The following SLC4A8 variants were observed in gnomAD, a reference collection of about 807,000 sequenced individuals.
The protein encoded by SLC4A8 is electroneutral sodium bicarbonate exchanger 1.
In SLC4A8, 40 loss-of-function variants were observed where a neutral mutation model predicts 125.0. The observed-to-expected ratio is 0.32, with a 90% CI of 0.25 to 0.42. The LOEUF is 0.42. SLC4A8 is among the 10% of genes least tolerant of loss of function. The pLI is 1.00. For synonymous variants in SLC4A8, 456 were observed against 476.0 expected (o/e 0.96, Z 0.55); for missense variants, 863 against 1,355.1 (o/e 0.64, Z 5.70).
At chr12:51,472,077 T>C (rs988743990) in intron 14 of SLC4A8, among the ~76,000 whole-genome samples, 31 of 152,254 alleles carry the variant, frequency 2.0e-4, no homozygotes, top group African/African-American at 6.8e-4. Context: ...AGATTTCAAC[T>C]TAAGAGATTA....
chr12:51,438,069 A>G (rs1949475936), intron 1 of SLC4A8, among the ~76,000 whole-genome samples: 1 of 152,252 alleles, frequency 6.6e-6, no homozygotes, highest in Non-Finnish European at 1.5e-5. Flanking sequence ...ATGTTTCAAT[A>G]CATGTAATGT....
Position 51,514,014 on chromosome 12 carries a change from G to A in SLC4A8, c.*6576G>A, listed in dbSNP as rs897898868. 2.0e-5 allele frequency: 3 copies of A among 152,284 alleles called. No homozygotes were observed. Among genetic ancestry groups the A allele is most frequent in the South Asian group, 2.1e-4 (1 of 4,826 alleles). 9.4% of individuals were successfully genotyped at this position (152,284 alleles called of 1,614,324 possible). A position where few individuals can be genotyped will look rare whatever the true frequency, so the allele number is the denominator to read the frequency against. ...CTTCTCTGTTTATTTCAATGTCCAT[G>A]TTCTGAGTCTCAAGTTTTCCTGAAG... On this transcript the variant is annotated 3_prime_UTR_variant, in exon 25 of 25. Coordinates refer to ENST00000453097, the MANE Select transcript of SLC4A8 (RefSeq NM_001039960.3).
chr12:51,485,991 C>T (rs941801738), intron 17 of SLC4A8, 91 bp downstream of exon 17: 1 of 737,448 alleles, frequency 1.4e-6, no homozygotes, highest in African/African-American at 1.7e-5. Context: ...TATCCTAATC[C>T]TGAGTTTTAC....
chr12:51,489,651 C>T, intron 18 of SLC4A8, 49 bp from the exon 19 acceptor site: 2 of 1,608,764 alleles, frequency 1.2e-6, no homozygotes, highest in Non-Finnish European at 1.7e-6. Context: ...GTTCTATGCC[C>T]TACTACAGCT....
intron 21 of SLC4A8, among the ~76,000 whole-genome samples, chr12:51,495,474 T>C (rs1411518404): frequency 5.2e-5 from 7 of 135,848 alleles, no homozygotes; most frequent in Non-Finnish European, 9.5e-5. Context: ...TTTCTTCTTT[T>C]TTTTTTTTTT....
chr12:51,413,847 G>A (rs1210749486), intron 1 of SLC4A8, among the ~76,000 whole-genome samples: 1 of 152,174 alleles, frequency 6.6e-6, no homozygotes, highest in Admixed American at 6.5e-5. Context: ...TTTAAAGTCA[G>A]GTAGTGTGAT....
chr12:51,416,224 T>G (rs1948685557), intron 1 of SLC4A8, among the ~76,000 whole-genome samples: 1 of 150,310 alleles, frequency 6.7e-6, no homozygotes, highest in African/African-American at 2.4e-5. Flanking sequence ...TTTTTTTTTT[T>G]TTTTTTTTGA....
intron 19 of SLC4A8, among the ~76,000 whole-genome samples, chr12:51,491,643 T>A (rs75066254): frequency 0.012 from 1,867 of 151,988 alleles, 23 homozygotes; most frequent in South Asian, 0.038. Flanking sequence ...CTGACCATGA[T>A]AAAAATCATT....
Position 51,489,354 on chromosome 12 carries a change from C to A in SLC4A8, c.2449-346C>A, listed in dbSNP as rs77118473. On this transcript the variant is annotated intron_variant, in intron 18 of 24. Transcript: ENST00000453097. The stretch of plus-strand genomic sequence containing the variant: ...GTAGGAAGCCAATAAGGACACTTAC[C>A]TCTAACTCCCATAGTTTCTACCATC... Among the ~76,000 whole-genome samples the A allele has an allele frequency of 4.7e-4, 71 of 152,240 alleles. No individual in the cohort carries two copies. The East Asian group carries it at 0.011, about 23-fold the overall frequency.
chr12:51,499,655 A>ACG (rs1937759680), intron 22 of SLC4A8, among the ~76,000 whole-genome samples: 2 of 151,384 alleles, frequency 1.3e-5, no homozygotes, highest in African/African-American at 4.9e-5. Context: ...ACACACACAC[A>ACG]CACGTATATA....
chr12:51,396,206 T>C (rs1468496966), intron 1 of SLC4A8, among the ~76,000 whole-genome samples: 2 of 152,204 alleles, frequency 1.3e-5, no homozygotes, highest in African/African-American at 2.4e-5. Flanking sequence ...ATATTAGCTG[T>C]TTTTCTTCTT....
chr12:51,501,528 T>C (rs971188705), intron 22 of SLC4A8, among the ~76,000 whole-genome samples: 3 of 152,266 alleles, frequency 2.0e-5, no homozygotes, highest in African/African-American at 7.2e-5. Context: ...GGTGTATACA[T>C]ACTACAGTTT....
intron 22 of SLC4A8, among the ~76,000 whole-genome samples, chr12:51,500,277 G>A (rs1387302442): frequency 2.0e-5 from 3 of 152,126 alleles, no homozygotes; most frequent in African/African-American, 7.2e-5. Flanking sequence ...TTGTTAACAC[G>A]TGTTACTTTA....
intron 1 of SLC4A8, among the ~76,000 whole-genome samples, chr12:51,433,656 A>G (rs1278448516): frequency 2.0e-5 from 3 of 152,178 alleles, no homozygotes; most frequent in African/African-American, 2.4e-5. Flanking sequence ...ATAATAGCCA[A>G]TTGGTGAGGA....
rs112287127 is a variant in SLC4A8, at chr12:51,484,757, T to G, written c.2173-1030T>G. Among the ~76,000 whole-genome samples, 278 of 152,268 alleles carry G rather than the reference T, an allele frequency of 1.8e-3. 1 individual carries two copies. The highest frequency in any genetic ancestry group is 6.4e-3 in the African/African-American group (264 of 41,550). On this transcript the variant is annotated intron_variant, in intron 16 of 24. Coordinates refer to ENST00000453097, the MANE Select transcript of SLC4A8 (RefSeq NM_001039960.3). Reference sequence around the variant, plus strand: ...ATAAAGTGAGGCAGTCCTTTTATGATGGATCCTAAATTGGATGGGAATCTC... The same window carrying G: ...ATAAAGTGAGGCAGTCCTTTTATGAGGGATCCTAAATTGGATGGGAATCTC...
At chr12:51,485,961 A>G in intron 17 of SLC4A8, 61 bp downstream of exon 17, 1 of 999,080 alleles carries the variant, frequency 1.0e-6, no homozygotes, top group Admixed American at 1.8e-5. Flanking sequence ...GATGCCAAGT[A>G]AATTTCAAAG....
intron 1 of SLC4A8, among the ~76,000 whole-genome samples, chr12:51,414,711 G>A (rs7980148): frequency 0.81 from 123,656 of 152,170 alleles, 50,710 homozygotes; most frequent in Non-Finnish European, 0.87. Flanking sequence ...CAAAAAAATA[G>A]TGGTGAAAGT....
At chr12:51,412,826 A>G (rs1327300937) in intron 1 of SLC4A8, among the ~76,000 whole-genome samples, 2 of 152,188 alleles carry the variant, frequency 1.3e-5, no homozygotes, top group Non-Finnish European at 2.9e-5. Flanking sequence ...TCATTCATCC[A>G]TTGATGGACA....
chr12:51,424,021 A>T (rs1182253971), upstream of SLC4A8, among the ~76,000 whole-genome samples: 1 of 125,582 alleles, frequency 8.0e-6, no homozygotes, highest in Non-Finnish European at 1.6e-5. Flanking sequence ...GGGCAACAAG[A>T]GTGAAACTTC....
Sources: gnomAD v4.1 joint callset for allele counts (sites outside exome capture counted in the v4.1 genomes callset) on GRCh38, gnomAD v4.1.1 for gene constraint, MANE v1.5 for transcripts, NCBI Gene and HGNC (gene_info 2026-07-23, HGNC 2026-07-21) for gene names.